ERC1: variants seen among roughly 807,000 people sequenced by gnomAD.
ERC1 encodes RAB6 interacting protein 2.
A neutral mutation model predicts 132.0 loss-of-function variants in ERC1; 56 were observed. The observed-to-expected ratio is 0.42, with a 90% CI of 0.34 to 0.53. The LOEUF is 0.53. ERC1 is among the 20% of genes least tolerant of loss of function. ERC1 has a pLI of 0.03. For missense variants in ERC1, 1,202 were observed against 1,349.9 expected (o/e 0.89, Z 1.72); for synonymous variants, 478 against 476.1 (o/e 1.00, Z -0.05).
At chr12:1,164,345 A>C (rs1050253241) in intron 8 of ERC1, among the ~76,000 whole-genome samples, 5 of 138,656 alleles carry the variant, frequency 3.6e-5, no homozygotes, top group African/African-American at 1.3e-4. Context: ...ATGTTATTTT[A>C]TGTTATTTTA....
At chr12:1,424,296 G>A (rs543782457) in intron 17 of ERC1, among the ~76,000 whole-genome samples, 25 of 152,166 alleles carry the variant, frequency 1.6e-4, no homozygotes, top group Non-Finnish European at 2.9e-4. Flanking sequence ...GTTTTCAATA[G>A]AGGGGTAATA....
rs1054139333 is a variant in ERC1 at position 1,495,415 on chromosome 12, C to G, written c.*5185C>G. On this transcript the variant is annotated 3_prime_UTR_variant, in exon 19 of 19. Transcript: ENST00000360905. ...GCCACTGTCAGGAAAGGAAGTGAAC[C>G]CTACTGAAGCCAGAGAATTCACCCC... 5.7e-5 allele frequency: 13 copies of G among 228,198 alleles called. No individual in the cohort carries two copies. In the Admixed American group the frequency reaches 6.8e-4, roughly 12 times the overall value. 14.1% of individuals were successfully genotyped at this position (228,198 alleles called of 1,614,324 possible). A position where few individuals can be genotyped will look rare whatever the true frequency, so the allele number is the denominator to read the frequency against.
rs1375596005 is a variant in ERC1 at position 1,179,509 on chromosome 12, T to C, written c.1738-1031T>C. On this transcript the variant is annotated intron_variant, in intron 8 of 18. Coordinates refer to ENST00000360905, the MANE Select transcript of ERC1 (RefSeq NM_178040.4). ...GAGTCTATTCATTTTTCTTTTTTTT[T>C]TTTTTTTTTTTTTTTTGAGACGGAG... is the stretch of plus-strand genomic sequence containing the variant. Among the ~76,000 whole-genome samples the C allele has an allele frequency of 1.2e-4, 16 of 137,336 alleles. No individual in the cohort carries two copies. In the South Asian group the frequency reaches 1.7e-3, roughly 15 times the overall value. The allele number at this position is 137,336 out of a possible 152,430, so 90.1% of individuals were successfully genotyped here.
intron 8 of ERC1, among the ~76,000 whole-genome samples, chr12:1,145,368 A>G (rs1436251600): frequency 6.7e-6 from 1 of 149,630 alleles, no homozygotes; most frequent in Non-Finnish European, 1.5e-5. Context: ...TCTTTTGAGA[A>G]CTGTCTATTC....
At chr12:1,274,563 G>C (rs146344919) in intron 14 of ERC1, among the ~76,000 whole-genome samples, 3 of 151,874 alleles carry the variant, frequency 2.0e-5, no homozygotes, top group African/African-American at 7.3e-5. Context: ...TGCGGTCTTG[G>C]CTTGCTGCAA....
intron 8 of ERC1, among the ~76,000 whole-genome samples, chr12:1,154,914 T>C (rs1446786637): frequency 1.3e-5 from 2 of 152,214 alleles, no homozygotes; most frequent in Non-Finnish European, 2.9e-5. Context: ...TAATAGCTGG[T>C]ATCATGGATG....
Position 1,057,114 on chromosome 12 carries a change from TG to T in ERC1, c.670-26049del, listed in dbSNP as rs552249929. ...GCAGAAATACCATGGATCATATGCT[TG>T]TTTTATTTTTAGTGTTTTTTTGTTT... On this transcript the variant is annotated intron_variant, in intron 2 of 18. Transcript: ENST00000360905. Among the ~76,000 whole-genome samples, 44 of 152,200 alleles carry T rather than the reference TG, an allele frequency of 2.9e-4. 1 individual carries two copies. The South Asian group carries it at 8.5e-3, about 29-fold the overall frequency.
chr12:1,412,839 TG>T (rs1278530544), intron 17 of ERC1, among the ~76,000 whole-genome samples: 1 of 152,234 alleles, frequency 6.6e-6, no homozygotes, highest in Non-Finnish European at 1.5e-5. Flanking sequence ...CTGTTGCCGT[TG>T]TCATCATTAA....
intron 11 of ERC1, among the ~76,000 whole-genome samples, chr12:1,186,754 T>C (rs1252929675): frequency 1.3e-5 from 2 of 152,222 alleles, no homozygotes; most frequent in South Asian, 2.1e-4. Context: ...ATTGATACCA[T>C]GATAAGTGAC....
chr12:1,311,591 CT>C lies in ERC1; in HGVS notation c.2780+21587del, dbSNP rs201704421. ...TTTTCCCGTGAGCATCTGAAACAGTCTTTTTTTTCTATGTATGTGAAGTGGT... is the reference window on the plus strand; with the variant it reads ...TTTTCCCGTGAGCATCTGAAACAGTCTTTTTTTCTATGTATGTGAAGTGGT... On this transcript the variant is annotated intron_variant, in intron 15 of 18. Transcript: ENST00000360905. Among the ~76,000 whole-genome samples the C allele has an allele frequency of 6.8e-3, 1,031 of 151,976 alleles. 16 individuals are homozygous for C. Among genetic ancestry groups the C allele is most frequent in the African/African-American group, 0.024 (998 of 41,414 alleles).
rs56939346 is a variant in ERC1, at chr12:1,493,548, A to AAATATATATATATATAT, written c.*3319_*3320insATATATATATATATATA. The AAATATATATATATATAT allele has an allele frequency of 6.6e-4, 9 of 13,618 alleles. No homozygotes were observed. Among genetic ancestry groups the AAATATATATATATATAT allele is most frequent in the South Asian group, 4.5e-3 (1 of 224 alleles). The allele number at this position is 13,618 out of a possible 1,614,324, so 0.8% of individuals were successfully genotyped here. A position where few individuals can be genotyped will look rare whatever the true frequency, so the allele number is the denominator to read the frequency against. On this transcript the variant is annotated 3_prime_UTR_variant, in exon 19 of 19. Coordinates refer to ENST00000360905, the MANE Select transcript of ERC1 (RefSeq NM_178040.4). ...ACTCCATTTAAAAAAAAAAAAAAAA[A>AAATATATATATATATAT]ATATATATATATATATATATATATA...
At chr12:1,194,133 A>C (rs1467194145) in intron 12 of ERC1, among the ~76,000 whole-genome samples, 1 of 152,202 alleles carries the variant, frequency 6.6e-6, no homozygotes, top group Non-Finnish European at 1.5e-5. Context: ...TAAAATACTT[A>C]GAGTGGCTGG....
In ERC1 at chr12:1,156,975, T is replaced by C. The variant is rs550347974; in HGVS notation, c.1737+15188T>C. Among the ~76,000 whole-genome samples the C allele has an allele frequency of 3.9e-5, 6 of 152,350 alleles. No homozygotes were observed. The South Asian group carries it at 1.2e-3, about 32-fold the overall frequency. ...ATACATTTTCCTGTTTTTTGTTTTT[T>C]GTTTTTAACTTCATTTATGTATTTA... On this transcript the variant is annotated intron_variant, in intron 8 of 18. Transcript: ENST00000360905.
chr12:1,010,107 T>TAA (rs1212630719), intron 1 of ERC1, among the ~76,000 whole-genome samples: 8 of 152,168 alleles, frequency 5.3e-5, no homozygotes, highest in Non-Finnish European at 1.2e-4. Flanking sequence ...AATTACTATT[T>TAA]AAAAAACTGC....
chr12:1,302,538 A>G (rs554751887), intron 15 of ERC1, among the ~76,000 whole-genome samples: 1 of 152,360 alleles, frequency 6.6e-6, no homozygotes, highest in South Asian at 2.1e-4. Context: ...AAACGTATGT[A>G]TTCATAAACA....
intron 18 of ERC1, among the ~76,000 whole-genome samples, chr12:1,457,921 G>C (rs1023809368): frequency 6.6e-6 from 1 of 152,044 alleles, no homozygotes; most frequent in African/African-American, 2.4e-5. Flanking sequence ...AGAAAAAAAA[G>C]TTAGTCAATC....
chr12:1,359,311 A>G (rs1441248645), intron 15 of ERC1, among the ~76,000 whole-genome samples: 1 of 152,212 alleles, frequency 6.6e-6, no homozygotes, highest in Non-Finnish European at 1.5e-5. Flanking sequence ...TCTACACTCA[A>G]CAGAAATAGA....
At chr12:1,355,429 A>G (rs117724555) in intron 15 of ERC1, among the ~76,000 whole-genome samples, 3,755 of 152,288 alleles carry the variant, frequency 0.025, 75 homozygotes, top group South Asian at 0.087. Flanking sequence ...GCTTTAAAAT[A>G]TAGCCCCCTA....
chr12:1,260,291 C>T (rs1003723368), intron 13 of ERC1, among the ~76,000 whole-genome samples: 1 of 152,162 alleles, frequency 6.6e-6, no homozygotes, highest in Non-Finnish European at 1.5e-5. Flanking sequence ...TTTAAAAACT[C>T]CAGTGTCTTC....
Sources: allele counts gnomAD v4.1 joint callset (sites outside exome capture counted in the v4.1 genomes callset), GRCh38; gene constraint gnomAD v4.1.1; transcripts MANE v1.5; gene names NCBI Gene and HGNC (gene_info 2026-07-23, HGNC 2026-07-21).